MAVS: variants seen among roughly 807,000 people sequenced by gnomAD.
MAVS encodes the protein mitochondrial antiviral signaling protein, also known as mitochondrial antiviral-signaling protein.
MAVS carries 20 observed loss-of-function variants against 30.2 expected under a neutral mutation model. The observed-to-expected ratio is 0.66, with a 90% confidence interval of 0.47 to 0.96. The LOEUF is 0.96. Among genes scored for constraint, MAVS ranks in the 40% least tolerant of loss-of-function variants. The pLI is 0.00. For missense variants in MAVS, 624 were observed against 701.1 expected, an observed-to-expected ratio of 0.89 and a Z score of 1.24; for synonymous variants, 278 against 293.9, an observed-to-expected ratio of 0.95 and a Z score of 0.55.
At chr20:3,859,211 T>G (rs895963419) in intron 3 of MAVS, among the ~76,000 whole-genome samples, 18 of 151,584 alleles carry the variant, frequency 1.2e-4, no homozygotes, top group Admixed American at 9.9e-4. Context: ...TGTGTGGAGA[T>G]TAATAGTGAT....
rs774934668 is a variant in MAVS, at chr20:3,857,722, G to C, written c.205G>C (p.Val69Leu). Residue 69 changes from valine to leucine, a missense_variant, in exon 3 of 7, where the codon GTG (valine) becomes CTG (leucine). Physicochemically the swap from Val to Leu is conservative, Grantham distance 32. Coordinates refer to ENST00000428216, the MANE Select transcript of MAVS (RefSeq NM_020746.5). ...FNTLQRRPGW[V>L]EYFIAALRGC... ...TACCCTTCAGCGGCGGCCCGGCTGG[G>C]TGGAGTACTTCATTGCGGCACTGAG... 16 of 1,614,126 alleles carry C rather than the reference G, an allele frequency of 9.9e-6. No individual in the cohort carries two copies. The highest frequency in any genetic ancestry group is 1.3e-5 in the African/African-American group (1 of 74,946).
chr20:3,866,407 C>G lies in MAVS; in HGVS notation c.*260C>G, dbSNP rs557981415. The G allele has an allele frequency of 3.9e-6, 2 of 514,794 alleles. No homozygotes were observed. The highest frequency in any genetic ancestry group is 3.8e-5 in the African/African-American group (2 of 52,286). 31.9% of individuals were successfully genotyped at this position (514,794 alleles called of 1,614,324 possible). A position where few individuals can be genotyped will look rare whatever the true frequency, so the allele number is the denominator to read the frequency against. On this transcript the variant is annotated 3_prime_UTR_variant, in exon 7 of 7. Coordinates refer to ENST00000428216, the MANE Select transcript of MAVS (RefSeq NM_020746.5). The stretch of plus-strand genomic sequence containing the variant: ...CTGCCCCCAGTGCTCCAGACCTTCC[C>G]CACTGGCAATCCAGGTTATCATCCA...
rs1170426564 is a variant in MAVS, at chr20:3,864,615, A to G, written c.985A>G (p.Ser329Gly). 4.3e-6 allele frequency: 7 copies of G among 1,614,086 alleles called. No homozygotes were observed. In the African/African-American group the frequency reaches 6.7e-5, roughly 15 times the overall value. The change falls in exon 6 of 7, where the codon AGC becomes GGC. Residue 329 changes from serine (S) to glycine (G), a missense_variant. Transcript: ENST00000428216. ...CACAGTGCCCTCCAAGTTGCCAACT[A>G]GCTCAAAGCCCCCTGGTGCAGTGCC... ...VSTVPSKLPT[S>G]SKPPGAVPSN...
Position 3,873,888 on chromosome 20 carries a change from C to G in MAVS, c.*7741C>G, listed in dbSNP as rs1170881618. ...ACCAAAAGCCGAACATACGTATAAA[C>G]TGATCCAGCAGTTCCACTCCTGGGT... On this transcript the variant is annotated 3_prime_UTR_variant, in exon 7 of 7. Transcript: ENST00000428216. 1.0e-5 allele frequency: 4 copies of G among 388,700 alleles called. No homozygotes were observed. Among genetic ancestry groups the G allele is most frequent in the Non-Finnish European group, 1.8e-5 (4 of 220,400 alleles). 24.1% of individuals were successfully genotyped at this position (388,700 alleles called of 1,614,324 possible).
At chr20:3,861,939 G>C (rs924741263) in intron 4 of MAVS, among the ~76,000 whole-genome samples, 1 of 152,256 alleles carries the variant, frequency 6.6e-6, no homozygotes. Flanking sequence ...AGTAGAGATG[G>C]GGTTTTGCCG....
At chr20:3,861,645 T>A (rs977220483) in intron 4 of MAVS, 141 bp downstream of exon 4, 1 of 941,912 alleles carries the variant, frequency 1.1e-6, no homozygotes, top group African/African-American at 1.7e-5. Flanking sequence ...GCTTCCTCAG[T>A]GGGGATCTGC....
Position 3,872,869 on chromosome 20 carries a change from T to TGACAC in MAVS, c.*6723_*6727dup, listed in dbSNP as rs2089965614. The TGACAC allele has an allele frequency of 6.6e-6, 1 of 152,166 alleles. No individual in the cohort carries two copies. 9.4% of individuals were successfully genotyped at this position (152,166 alleles called of 1,614,324 possible). A position where few individuals can be genotyped will look rare whatever the true frequency, so the allele number is the denominator to read the frequency against. On this transcript the variant is annotated 3_prime_UTR_variant, in exon 7 of 7. Transcript: ENST00000428216. ...TGCAGAGCACTGTGATAGGCCTCAGTGACACAGAATAATACGGCAAAGACC... is the reference window on the plus strand; with the variant it reads ...TGCAGAGCACTGTGATAGGCCTCAGTGACACGACACAGAATAATACGGCAAAGACC...
In MAVS at chr20:3,864,877, C is replaced by G; in HGVS notation, c.1158+89C>G. On this transcript the variant is annotated intron_variant, in intron 6 of 6. Coordinates refer to ENST00000428216, the MANE Select transcript of MAVS (RefSeq NM_020746.5). ...GCCCTGGCCTTGGCCCCTTCCCAGT[C>G]TGCATTCTGTGTCCAGCCTGTGCTG... is the stretch of plus-strand genomic sequence containing the variant. 2.0e-6 allele frequency: 3 copies of G among 1,495,656 alleles called. No individual in the cohort carries two copies. In the South Asian group the frequency reaches 3.7e-5, roughly 19 times the overall value. 92.6% of individuals were successfully genotyped at this position (1,495,656 alleles called of 1,614,324 possible).
chr20:3,849,601 T>C lies in MAVS; in HGVS notation c.-68+2698T>C, dbSNP rs2089740598. Reference sequence around the variant, plus strand: ...TTTAGGACTTTTGCATTTACCATGCTCTCTGCCTAAAACACCAATCTTCTC... The same window carrying C: ...TTTAGGACTTTTGCATTTACCATGCCCTCTGCCTAAAACACCAATCTTCTC... On this transcript the variant is annotated intron_variant, in intron 1 of 6. Transcript: ENST00000428216. 2.6e-5 allele frequency among the ~76,000 whole-genome samples: 4 copies of C among 152,278 alleles called. No individual in the cohort carries two copies. The South Asian group carries it at 8.3e-4, about 32-fold the overall frequency.
chr20:3,857,875 C>G (rs767913870), intron 3 of MAVS, 66 bp downstream of exon 3: 12 of 1,530,256 alleles, frequency 7.8e-6, no homozygotes, highest in South Asian at 1.1e-5. Flanking sequence ...CTCCTTTTCT[C>G]TCTCCCTGTA....
intron 1 of MAVS, among the ~76,000 whole-genome samples, chr20:3,847,467 C>G (rs554577393): frequency 6.6e-6 from 1 of 152,306 alleles, no homozygotes; most frequent in East Asian, 1.9e-4. Flanking sequence ...ACAGTCAGGT[C>G]GGAAACTTTG....
chr20:3,856,270 T>G (rs2089809317), intron 2 of MAVS, among the ~76,000 whole-genome samples: 1 of 151,760 alleles, frequency 6.6e-6, no homozygotes, highest in Non-Finnish European at 1.5e-5. Flanking sequence ...TAGCCAGGAT[T>G]GTCTCGATCT....
chr20:3,853,293 T>C (rs370558532), intron 1 of MAVS, among the ~76,000 whole-genome samples: 5 of 150,340 alleles, frequency 3.3e-5, no homozygotes, highest in East Asian at 2.0e-4. Flanking sequence ...GAGACCATCC[T>C]GGCTAACCCC....
intron 1 of MAVS, among the ~76,000 whole-genome samples, chr20:3,853,036 T>G (rs1301689691): frequency 6.6e-6 from 1 of 150,404 alleles, no homozygotes; most frequent in East Asian, 2.0e-4. Context: ...AGACGGGGTT[T>G]CACCATCTTG....
At chr20:3,852,795 G>A (rs919445658) in intron 1 of MAVS, among the ~76,000 whole-genome samples, 1 of 150,930 alleles carries the variant, frequency 6.6e-6, no homozygotes, top group Non-Finnish European at 1.5e-5. Context: ...TTCTTGAGTA[G>A]CTGGTGGTCA....
rs914838017 is a variant in MAVS at position 3,866,792 on chromosome 20, G to T, written c.*645G>T. ...AGGGGCAGCTGTCAGGCCTGAGGAA[G>T]ACCTGTGGAGCTCCTCTCCAGCCTC... On this transcript the variant is annotated 3_prime_UTR_variant, in exon 7 of 7. Transcript: ENST00000428216. The T allele has an allele frequency of 4.5e-5, 19 of 422,062 alleles. No homozygotes were observed. The highest frequency in any genetic ancestry group is 1.0e-4 in the Admixed American group (4 of 39,138). The allele number at this position is 422,062 out of a possible 1,614,324, so 26.1% of individuals were successfully genotyped here.
rs2146761517 is a variant in MAVS, at chr20:3,854,741, G to A, written c.117G>A (p.Gln39=). The A allele has an allele frequency of 1.9e-6, 3 of 1,607,542 alleles. No individual in the cohort carries two copies. Among genetic ancestry groups the A allele is most frequent in the Middle Eastern group, 3.3e-4 (2 of 6,046 alleles). ...TGCCCTGCCTCACAGCAAGAGACCA[G>A]GTGAGCAAGGGAAGTGACAGCCCGA... ...PYLPCLTARD[Q]DRLRATCTLS... The change falls in exon 2 of 7, where the codon CAG becomes CAA. Residue 39 remains glutamine, a splice_region_variant and synonymous_variant. Transcript: ENST00000428216.
At chr20:3,859,968 A>T (rs1004972835) in intron 3 of MAVS, among the ~76,000 whole-genome samples, 4 of 150,336 alleles carry the variant, frequency 2.7e-5, no homozygotes, top group South Asian at 2.1e-4. Context: ...AGGCGCCTGC[A>T]ACCATGCCCG....
chr20:3,850,363 C>T (rs543827922), intron 1 of MAVS, among the ~76,000 whole-genome samples: 2 of 150,466 alleles, frequency 1.3e-5, no homozygotes, highest in African/African-American at 2.5e-5. Flanking sequence ...TTTGGGAGGC[C>T]GAGGTGAGCG....
Sources: allele counts gnomAD v4.1 joint callset (sites outside exome capture counted in the v4.1 genomes callset), GRCh38; gene constraint gnomAD v4.1.1; transcripts MANE v1.5; gene names NCBI Gene and HGNC (gene_info 2026-07-23, HGNC 2026-07-21).